The following RMST variants were observed in gnomAD, a reference collection of about 807,000 sequenced individuals.
RMST encodes rhabdomyosarcoma 2 associated transcript, also known as long intergenic non-protein coding RNA 54.
At chr12:97,482,937 T>C (rs1177644649) in intron 5 of RMST, among the ~76,000 whole-genome samples, 3 of 151,794 alleles carry the variant, frequency 2.0e-5, no homozygotes, top group Admixed American at 6.6e-5. Flanking sequence ...TTGAAGTTCC[T>C]GCTTACACAA....
At chr12:97,550,766 A>G (rs565924937) in intron 11 of RMST, among the ~76,000 whole-genome samples, 2 of 152,274 alleles carry the variant, frequency 1.3e-5, no homozygotes, top group South Asian at 4.1e-4. Context: ...TCTCTCCTTC[A>G]TAATTGTCTT....
intron 13 of RMST, chr12:97,563,750 G>T (rs1884314841): frequency 2.1e-6 from 1 of 469,372 alleles, no homozygotes; most frequent in Admixed American, 2.3e-5. Flanking sequence ...AGCGTGAAAT[G>T]ATTGGTTAGC....
intron 11 of RMST, among the ~76,000 whole-genome samples, chr12:97,554,552 G>A (rs1349418): frequency 0.23 from 34,350 of 151,776 alleles, 5,558 homozygotes; most frequent in African/African-American, 0.45. Flanking sequence ...AAGTCTTAAG[G>A]TAACCCAAAA....
At chr12:97,519,168 A>G (rs563827267) in intron 10 of RMST, among the ~76,000 whole-genome samples, 1 of 152,320 alleles carries the variant, frequency 6.6e-6, no homozygotes. Context: ...TTTGGTACTT[A>G]GGGTTTAGTA....
chr12:97,504,465 T>A (rs1410268953), intron 10 of RMST, among the ~76,000 whole-genome samples: 1 of 150,876 alleles, frequency 6.6e-6, no homozygotes, highest in Non-Finnish European at 1.5e-5. Flanking sequence ...AGGTTTAATC[T>A]AAATCTTAAA....
chr12:97,540,941 G>GAGAGATATAGATATAGAT (rs1882448784), intron 11 of RMST, among the ~76,000 whole-genome samples: 1 of 145,526 alleles, frequency 6.9e-6, no homozygotes, highest in African/African-American at 2.5e-5. Context: ...TAGAGAGATA[G>GAGAGATATAGATATAGAT]ATAGATATAG....
intron 5 of RMST, among the ~76,000 whole-genome samples, chr12:97,486,466 T>G (rs1436727412): frequency 1.3e-5 from 2 of 152,204 alleles, no homozygotes; most frequent in Non-Finnish European, 2.9e-5. Context: ...AAACGATGTC[T>G]GAAAGTAGGG....
At chr12:97,517,138 AG>A (rs1384106503) in intron 10 of RMST, among the ~76,000 whole-genome samples, 1 of 151,986 alleles carries the variant, frequency 6.6e-6, no homozygotes, top group East Asian at 1.9e-4. Context: ...AAAAATGGAA[AG>A]CTTTTTGTAA....
chr12:97,478,088 G>A (rs905745352), intron 5 of RMST, among the ~76,000 whole-genome samples: 6 of 152,278 alleles, frequency 3.9e-5, no homozygotes, highest in Admixed American at 1.3e-4. Context: ...TATGTACTAA[G>A]GCTGGAACAA....
At chr12:97,499,126 A>AT (rs966376338) in intron 10 of RMST, among the ~76,000 whole-genome samples, 9 of 150,342 alleles carry the variant, frequency 6.0e-5, no homozygotes, top group East Asian at 5.9e-4. Context: ...AGCTTTTTCG[A>AT]TTTTTTTTTC....
chr12:97,467,816 G>T (rs1024888231), intron 5 of RMST, among the ~76,000 whole-genome samples: 33 of 152,136 alleles, frequency 2.2e-4, no homozygotes, highest in African/African-American at 7.5e-4. Flanking sequence ...ATTTGGGAGA[G>T]GCGGGGGAAA....
At chr12:97,502,237 C>T (rs941855316) in intron 10 of RMST, among the ~76,000 whole-genome samples, 1 of 152,086 alleles carries the variant, frequency 6.6e-6, no homozygotes, top group African/African-American at 2.4e-5. Context: ...CATTCTTGTT[C>T]TTAAGCAATG....
chr12:97,542,578 T>G (rs1043336651), intron 11 of RMST, among the ~76,000 whole-genome samples: 1 of 151,860 alleles, frequency 6.6e-6, no homozygotes, highest in East Asian at 1.9e-4. Context: ...CTACAACATC[T>G]GTGCAATTTA....
chr12:97,463,877 T>G (rs983778482), intron 4 of RMST, among the ~76,000 whole-genome samples: 12 of 151,852 alleles, frequency 7.9e-5, no homozygotes, highest in South Asian at 2.1e-4. Flanking sequence ...AATTAGTTGG[T>G]TTTTTTTAAT....
At chr12:97,466,050 G>T (rs1873144036) in intron 5 of RMST, among the ~76,000 whole-genome samples, 1 of 152,046 alleles carries the variant, frequency 6.6e-6, no homozygotes. Context: ...TTTATTTCTA[G>T]AACTAGTAAA....
intron 10 of RMST, among the ~76,000 whole-genome samples, chr12:97,518,075 T>A (rs1288331121): frequency 2.0e-5 from 3 of 152,182 alleles, no homozygotes; most frequent in African/African-American, 4.8e-5. Context: ...TCTGAATGGT[T>A]AGAATTGAGT....
At chr12:97,490,715 A>G (rs548597797) in intron 5 of RMST, among the ~76,000 whole-genome samples, 5 of 152,300 alleles carry the variant, frequency 3.3e-5, no homozygotes, top group South Asian at 4.1e-4. Flanking sequence ...CTTATCTTGG[A>G]TGAACTTTTC....
At position 97,546,554 on chromosome 12, in the gene RMST, C is replaced by G. The variant is rs141290365; in HGVS notation, n.1546-13983C>G. 2.3e-4 allele frequency among the ~76,000 whole-genome samples: 35 copies of G among 152,014 alleles called. No individual in the cohort carries two copies. The East Asian group carries it at 4.7e-3, about 20-fold the overall frequency. ...CCGAGATCTCACCACTGCACTCCAG[C>G]CTGGGTGACAGAACAAGACTCCATC... On this transcript the variant is annotated intron_variant and non_coding_transcript_variant, in intron 11 of 13. Coordinates refer to ENST00000640149, the Ensembl canonical transcript of RMST.
chr12:97,468,187 T>C (rs965421077), intron 5 of RMST, among the ~76,000 whole-genome samples: 4 of 152,056 alleles, frequency 2.6e-5, no homozygotes, highest in Non-Finnish European at 5.9e-5. Context: ...TTTGTTTCAC[T>C]ATCAGTTGGA....
Sources: gnomAD v4.1 joint callset for allele counts (sites outside exome capture counted in the v4.1 genomes callset) on GRCh38, gnomAD v4.1.1 for gene constraint, MANE v1.5 for transcripts, NCBI Gene and HGNC (gene_info 2026-07-23, HGNC 2026-07-21) for gene names.